Variants in MTCL2 observed in about 807,000 individuals in gnomAD.
MTCL2 encodes the protein microtubule crosslinking factor 2.
chr20:36,801,761 T>A, the MTCL2 span, among the ~76,000 whole-genome samples: 1 of 151,106 alleles, frequency 6.6e-6, no homozygotes. Flanking sequence ...AGGTCAGGAG[T>A]TCGAGACCAG....
chr20:36,828,790 T>A, the MTCL2 span: 5 of 418,972 alleles, frequency 1.2e-5, no homozygotes, highest in East Asian at 2.2e-4. Context: ...TGAATGACTC[T>A]CTCTCTCATT....
chr20:36,854,932 G>A, the MTCL2 span, among the ~76,000 whole-genome samples: 1 of 152,158 alleles, frequency 6.6e-6, no homozygotes. Flanking sequence ...GGGGAGGGAA[G>A]GGGGGACACA....
At chr20:36,802,409 A>G in the MTCL2 span, among the ~76,000 whole-genome samples, 3 of 152,200 alleles carry the variant, frequency 2.0e-5, no homozygotes, top group African/African-American at 7.2e-5. Flanking sequence ...GTGAGGGTCA[A>G]TGATTGCTTT....
At chr20:36,834,172 A>G in the MTCL2 span, among the ~76,000 whole-genome samples, 1 of 151,892 alleles carries the variant, frequency 6.6e-6, no homozygotes, top group East Asian at 1.9e-4. Flanking sequence ...CAAAAAAAAA[A>G]AAAAAAAGAA....
At chr20:36,802,832 C>A in the MTCL2 span, 2 of 1,571,478 alleles carry the variant, frequency 1.3e-6, no homozygotes, top group Admixed American at 1.8e-5. Flanking sequence ...CGGGTGGAAG[C>A]GGCTTGGCAG....
chr20:36,780,869 TTGA>T, the MTCL2 span: 1 of 152,210 alleles, frequency 6.6e-6, no homozygotes, highest in Non-Finnish European at 1.5e-5. Context: ...TCAGTGGCCC[TTGA>T]TGAAAGGATA....
At chr20:36,804,694 TGA>T in the MTCL2 span, 1 of 1,599,044 alleles carries the variant, frequency 6.3e-7, no homozygotes, top group Non-Finnish European at 8.6e-7. Context: ...AAGGCTTGGC[TGA>T]GAGTAAGGGG....
the MTCL2 span, among the ~76,000 whole-genome samples, chr20:36,818,153 G>A: frequency 1.3e-5 from 2 of 152,196 alleles, no homozygotes; most frequent in Non-Finnish European, 2.9e-5. Flanking sequence ...CACTCCCTGT[G>A]GTGTTGTTCC....
At chr20:36,820,306 G>T in the MTCL2 span, among the ~76,000 whole-genome samples, 1,066 of 152,280 alleles carry the variant, frequency 7.0e-3, 18 homozygotes, top group African/African-American at 0.025. Flanking sequence ...GGAGAGCCAG[G>T]GGTCTGCATA....
the MTCL2 span, chr20:36,796,830 G>T: frequency 6.3e-6 from 10 of 1,579,238 alleles, no homozygotes; most frequent in Admixed American, 1.3e-4. Context: ...GGAGAGGGGC[G>T]AGGCTGTGGG....
chr20:36,802,630 A>G, the MTCL2 span, among the ~76,000 whole-genome samples: 21 of 152,210 alleles, frequency 1.4e-4, no homozygotes, highest in African/African-American at 5.1e-4. Flanking sequence ...GAGTAAAGCT[A>G]ACACAGAGGA....
At chr20:36,841,205 C>T in the MTCL2 span, among the ~76,000 whole-genome samples, 1 of 135,706 alleles carries the variant, frequency 7.4e-6, no homozygotes, top group Admixed American at 7.6e-5. Context: ...TGGTGGTTCA[C>T]GCCTGTAATC....
At chr20:36,786,290 C>A in the MTCL2 span, 1 of 1,272,708 alleles carries the variant, frequency 7.9e-7, no homozygotes, top group African/African-American at 1.5e-5. Context: ...TCGAAGCTCA[C>A]CACCCAGGGG....
chr20:36,819,120 C>G, the MTCL2 span, among the ~76,000 whole-genome samples: 3 of 152,000 alleles, frequency 2.0e-5, no homozygotes, highest in African/African-American at 7.3e-5. Flanking sequence ...GGCACAAGCC[C>G]TACAGAGGGA....
At chr20:36,819,932 G>A in the MTCL2 span, among the ~76,000 whole-genome samples, 1 of 152,162 alleles carries the variant, frequency 6.6e-6, no homozygotes, top group Non-Finnish European at 1.5e-5. Context: ...CAGGGCTATG[G>A]GTCAGAAAAC....
the MTCL2 span, among the ~76,000 whole-genome samples, chr20:36,791,778 A>G: frequency 6.6e-6 from 1 of 152,202 alleles, no homozygotes; most frequent in Non-Finnish European, 1.5e-5. Flanking sequence ...AACAGAGAAA[A>G]AGGAGGAATA....
chr20:36,840,190 A>G, the MTCL2 span, among the ~76,000 whole-genome samples: 1 of 136,804 alleles, frequency 7.3e-6, no homozygotes. Context: ...TTTGAGACGG[A>G]GTCTCGCTCT....
At chr20:36,783,159 A>C in the MTCL2 span, 6 of 152,228 alleles carry the variant, frequency 3.9e-5, no homozygotes, top group East Asian at 1.2e-3. Flanking sequence ...AGAAGAGTGC[A>C]CCTGGGGACA....
chr20:36,797,061 G>T, the MTCL2 span: 9 of 954,798 alleles, frequency 9.4e-6, no homozygotes, highest in Non-Finnish European at 1.5e-5. Flanking sequence ...CATCCGGAGA[G>T]CAGGAATGAT....
Sources: allele counts gnomAD v4.1 joint callset (sites outside exome capture counted in the v4.1 genomes callset), GRCh38; gene constraint gnomAD v4.1.1; transcripts MANE v1.5; gene names NCBI Gene and HGNC (gene_info 2026-07-23, HGNC 2026-07-21).